SMAP1: variants seen among roughly 807,000 people sequenced by gnomAD.
SMAP1 encodes the protein small ArfGAP 1.
In SMAP1, 24 loss-of-function variants were observed where a neutral mutation model predicts 58.5. The ratio of observed to expected loss-of-function variants is 0.41; its 90% CI spans 0.30 to 0.58. The LOEUF (loss-of-function observed/expected upper bound fraction) is 0.58, where lower values mean the gene tolerates loss of function less well. Among genes scored for constraint, SMAP1 ranks in the 20% least tolerant of loss-of-function variants. SMAP1 has a pLI of 0.29. For missense variants in SMAP1, 563 were observed against 566.3 expected, an observed-to-expected ratio of 0.99 and a Z score of 0.06; for synonymous variants, 216 against 196.6, an observed-to-expected ratio of 1.10 and a Z score of -0.82.
At chr6:70,736,506 G>A (rs186691739) in intron 2 of SMAP1, among the ~76,000 whole-genome samples, 127 of 152,184 alleles carry the variant, frequency 8.3e-4, no homozygotes, top group Non-Finnish European at 1.6e-3. Flanking sequence ...TATGGATACA[G>A]GAAACAAGGA....
chr6:70,695,829 C>T (rs893674070), intron 1 of SMAP1, among the ~76,000 whole-genome samples: 4 of 151,914 alleles, frequency 2.6e-5, no homozygotes, highest in African/African-American at 4.8e-5. Context: ...TCTATTTGTC[C>T]GAATAGTTTG....
intron 4 of SMAP1, among the ~76,000 whole-genome samples, chr6:70,785,751 GGAA>G (rs1284164575): frequency 6.6e-6 from 1 of 152,198 alleles, no homozygotes; most frequent in Non-Finnish European, 1.5e-5. Context: ...GAGTAAACCA[GGAA>G]GAAGTTGACT....
Position 70,791,722 on chromosome 6 carries a change from G to A in SMAP1, c.448G>A (p.Val150Ile), listed in dbSNP as rs1230241426. The A allele has an allele frequency of 1.2e-6, 2 of 1,612,938 alleles. No homozygotes were observed. The highest frequency in any genetic ancestry group is 1.7e-6 in the Non-Finnish European group (2 of 1,179,596). ...CTCTGATGCTCCTCTTCAGCCTTTG[G>A]TATCCTCTCCTTCTCTGCAAGCTGC... ...SSSDAPLQPL[V>I]SSPSLQAAVD... Residue 150 changes from valine to isoleucine, a missense_variant, in exon 5 of 11, where the codon GTA (valine) becomes ATA (isoleucine). Around this residue, in one of 3 missense-constraint regions of SMAP1, gnomAD observed 494 missense variants for 473.8 expected, o/e 1.04. Coordinates refer to ENST00000370455, the MANE Select transcript of SMAP1 (RefSeq NM_001044305.3).
intron 6 of SMAP1, among the ~76,000 whole-genome samples, chr6:70,832,707 G>T (rs1770412057): frequency 1.3e-5 from 2 of 152,178 alleles, no homozygotes; most frequent in Non-Finnish European, 2.9e-5. Context: ...AAGGGCAAGA[G>T]AGCACTTGAA....
chr6:70,760,317 C>T (rs1324245704), intron 3 of SMAP1, among the ~76,000 whole-genome samples: 10 of 151,964 alleles, frequency 6.6e-5, no homozygotes, highest in Non-Finnish European at 1.2e-4. Flanking sequence ...CTCCTTTTTA[C>T]AAATTATGGT....
At chr6:70,753,057 T>G (rs1419790171) in intron 2 of SMAP1, among the ~76,000 whole-genome samples, 2 of 151,976 alleles carry the variant, frequency 1.3e-5, no homozygotes, top group Non-Finnish European at 2.9e-5. Context: ...TTATTTTTTA[T>G]TTCCCCCCCG....
chr6:70,798,677 G>A lies in SMAP1; in HGVS notation c.516G>A (p.Lys172=). Reference sequence around the variant, plus strand: ...TTTAGAAAGAAAAGGAAAAAAAAAAGGAAGAGAAAAAGAGAGAAAAGGAGC... The same window carrying A: ...TTTAGAAAGAAAAGGAAAAAAAAAAAGAAGAGAAAAAGAGAGAAAAGGAGC... The part of the protein sequence containing the change: ...NKLEKEKEKK[K]EEKKREKEPE... Residue 172 remains lysine, a synonymous_variant, in exon 6 of 11, where the codon AAG becomes AAA. Coordinates refer to ENST00000370455, the MANE Select transcript of SMAP1 (RefSeq NM_001044305.3). 4.6e-6 allele frequency: 7 copies of A among 1,532,814 alleles called. No individual in the cohort carries two copies. Among genetic ancestry groups the A allele is most frequent in the African/African-American group, 1.4e-5 (1 of 71,150 alleles). 95.0% of individuals were successfully genotyped at this position (1,532,814 alleles called of 1,614,324 possible). A position where few individuals can be genotyped will look rare whatever the true frequency, so the allele number is the denominator to read the frequency against.
chr6:70,755,644 T>C (rs1434841226), intron 3 of SMAP1, among the ~76,000 whole-genome samples: 4 of 152,024 alleles, frequency 2.6e-5, no homozygotes, highest in South Asian at 2.1e-4. Context: ...GCCTAACCCA[T>C]TGTAAGTTGA....
chr6:70,850,283 A>G (rs1771134255), intron 7 of SMAP1, among the ~76,000 whole-genome samples: 1 of 152,150 alleles, frequency 6.6e-6, no homozygotes, highest in African/African-American at 2.4e-5. Context: ...GTAAAAAGCA[A>G]TTGATAGTAT....
chr6:70,793,783 G>A (rs758950583), intron 5 of SMAP1, among the ~76,000 whole-genome samples: 1 of 151,816 alleles, frequency 6.6e-6, no homozygotes, highest in Non-Finnish European at 1.5e-5. Context: ...GTGCAGTGGC[G>A]CGATCTCGGC....
chr6:70,831,730 G>A (rs1019251328), intron 6 of SMAP1, among the ~76,000 whole-genome samples: 12 of 152,248 alleles, frequency 7.9e-5, no homozygotes, highest in South Asian at 2.1e-4. Context: ...ATGAACATAC[G>A]TGTGGATATG....
chr6:70,795,791 G>T (rs1380891908), intron 5 of SMAP1, among the ~76,000 whole-genome samples: 1 of 150,978 alleles, frequency 6.6e-6, no homozygotes. Context: ...AGGCTGGAGT[G>T]CAATGGCATG....
In SMAP1 at chr6:70,847,692, A is replaced by G. The variant is rs1771043649; in HGVS notation, c.665-4848A>G. Among the ~76,000 whole-genome samples the G allele has an allele frequency of 2.0e-5, 3 of 151,550 alleles. No homozygotes were observed. The South Asian group carries it at 6.3e-4, about 32-fold the overall frequency. ...GCCCTAGGCTTTTCTTGTACTCTGG[A>G]TCTCCCATTATTTTTATTGTCCACC... On this transcript the variant is annotated intron_variant, in intron 7 of 10. Transcript: ENST00000370455.
intron 6 of SMAP1, among the ~76,000 whole-genome samples, chr6:70,805,393 C>T (rs977095370): frequency 6.6e-6 from 1 of 152,158 alleles, no homozygotes; most frequent in South Asian, 2.1e-4. Context: ...TTCTAGTTAG[C>T]CATTCGTCTA....
intron 4 of SMAP1, among the ~76,000 whole-genome samples, chr6:70,785,001 T>A (rs1323220153): frequency 6.6e-6 from 1 of 152,090 alleles, no homozygotes; most frequent in African/African-American, 2.4e-5. Context: ...AGAATATACA[T>A]TTTTTTCAGC....
chr6:70,708,036 A>G (rs547829598), intron 1 of SMAP1, among the ~76,000 whole-genome samples: 2 of 152,142 alleles, frequency 1.3e-5, no homozygotes, highest in Admixed American at 1.3e-4. Context: ...GTGTATAACT[A>G]TAGTCCTTAT....
At chr6:70,755,702 G>C (rs1374454854) in intron 3 of SMAP1, among the ~76,000 whole-genome samples, 1 of 151,934 alleles carries the variant, frequency 6.6e-6, no homozygotes, top group African/African-American at 2.4e-5. Context: ...GATTCTTCTT[G>C]ATTGTTCTCC....
intron 7 of SMAP1, among the ~76,000 whole-genome samples, chr6:70,839,813 T>A (rs1770732884): frequency 6.6e-6 from 1 of 152,160 alleles, no homozygotes; most frequent in African/African-American, 2.4e-5. Flanking sequence ...TAAAAAATAT[T>A]TTCAGACTTT....
chr6:70,725,093 G>GTTTTTTTTTTTTTTT lies in SMAP1; in HGVS notation c.119-7258_119-7244dup, dbSNP rs745587315. Among the ~76,000 whole-genome samples the GTTTTTTTTTTTTTTT allele has an allele frequency of 2.1e-4, 10 of 47,822 alleles. 1 individual carries two copies. The highest frequency in any genetic ancestry group is 3.2e-4 in the Non-Finnish European group (8 of 24,998). 31.4% of individuals were successfully genotyped at this position (47,822 alleles called of 152,430 possible). A position where few individuals can be genotyped will look rare whatever the true frequency, so the allele number is the denominator to read the frequency against. On this transcript the variant is annotated intron_variant, in intron 1 of 10. Transcript: ENST00000370455. ...GACTCCATATCCTAAATTAACCAGT[G>GTTTTTTTTTTTTTTT]TTTTTTTTTTTTTTTTTTTTTTTTT...
Sources: allele counts gnomAD v4.1 joint callset (sites outside exome capture counted in the v4.1 genomes callset), GRCh38; gene constraint gnomAD v4.1.1; regional missense constraint gnomAD v4.1.1; transcripts MANE v1.5; gene names NCBI Gene and HGNC (gene_info 2026-07-23, HGNC 2026-07-21).